The following MACROD2 variants were observed in gnomAD, a reference collection of about 807,000 sequenced individuals.
The protein encoded by MACROD2 is mono-ADP ribosylhydrolase 2.
A neutral mutation model predicts 70.4 loss-of-function variants in MACROD2; 36 were observed. The ratio of observed to expected loss-of-function variants is 0.51; its 90% CI spans 0.39 to 0.68. The LOEUF is 0.68. MACROD2 is among the 30% of genes least tolerant of loss of function. The probability of loss-of-function intolerance (pLI) is 0.00; values close to 1 mark genes in which losing one functional copy is unlikely to be tolerated. For synonymous variants in MACROD2, 172 were observed against 178.8 expected, an observed-to-expected ratio of 0.96 and a Z score of 0.30; for missense variants, 496 against 538.4, an observed-to-expected ratio of 0.92 and a Z score of 0.78.
intron 8 of MACROD2, among the ~76,000 whole-genome samples, chr20:15,623,163 C>A (rs1386013019): frequency 6.6e-6 from 1 of 152,194 alleles, no homozygotes; most frequent in African/African-American, 2.4e-5. Context: ...TTCATGTTTT[C>A]ATATGACTTG....
chr20:16,043,722 C>T (rs973993664), intron 16 of MACROD2, among the ~76,000 whole-genome samples: 1 of 152,050 alleles, frequency 6.6e-6, no homozygotes, highest in Non-Finnish European at 1.5e-5. Flanking sequence ...CAGCAGCCGT[C>T]GGCAAGTCTA....
At chr20:15,450,536 G>C (rs1228610016) in intron 7 of MACROD2, among the ~76,000 whole-genome samples, 1 of 151,970 alleles carries the variant, frequency 6.6e-6, no homozygotes, top group South Asian at 2.1e-4. Flanking sequence ...TACCTATTTT[G>C]TGTGTGTATT....
At chr20:15,348,304 C>G (rs1296201197) in intron 6 of MACROD2, among the ~76,000 whole-genome samples, 1 of 152,236 alleles carries the variant, frequency 6.6e-6, no homozygotes, top group Admixed American at 6.5e-5. Flanking sequence ...GCGCTGCCCC[C>G]TGCCTTGACA....
At chr20:15,580,715 A>T (rs962352580) in intron 8 of MACROD2, among the ~76,000 whole-genome samples, 2 of 152,238 alleles carry the variant, frequency 1.3e-5, no homozygotes, top group African/African-American at 4.8e-5. Flanking sequence ...GTGAAAAGGC[A>T]TTCACATTGG....
chr20:14,060,392 C>T (rs1391924229), intron 2 of MACROD2, among the ~76,000 whole-genome samples: 2 of 152,050 alleles, frequency 1.3e-5, no homozygotes, highest in Non-Finnish European at 2.9e-5. Flanking sequence ...GAAAACATTA[C>T]CAGACCTTTT....
chr20:15,080,132 A>T (rs1157152417), intron 5 of MACROD2, among the ~76,000 whole-genome samples: 1 of 139,506 alleles, frequency 7.2e-6, no homozygotes, highest in East Asian at 1.9e-4. Flanking sequence ...ATAAATAAAT[A>T]AATAAATAAA....
intron 7 of MACROD2, among the ~76,000 whole-genome samples, chr20:15,448,299 C>T (rs2046596330): frequency 6.6e-6 from 1 of 152,118 alleles, no homozygotes; most frequent in South Asian, 2.1e-4. Context: ...CATCCTCAGC[C>T]TGCAGAACTC....
intron 5 of MACROD2, among the ~76,000 whole-genome samples, chr20:15,042,014 A>G (rs1473445353): frequency 6.6e-6 from 1 of 152,194 alleles, no homozygotes; most frequent in Non-Finnish European, 1.5e-5. Context: ...CCATTCAGGG[A>G]CAAGAAGATT....
intron 5 of MACROD2, among the ~76,000 whole-genome samples, chr20:14,818,479 T>C (rs1390708653): frequency 1.3e-5 from 2 of 152,060 alleles, no homozygotes; most frequent in Non-Finnish European, 2.9e-5. Context: ...ATATCTTGTT[T>C]TTCTATTCGG....
intron 15 of MACROD2, among the ~76,000 whole-genome samples, chr20:15,989,402 TAGAA>T (rs2066527884): frequency 6.6e-6 from 1 of 152,148 alleles, no homozygotes; most frequent in Non-Finnish European, 1.5e-5. Flanking sequence ...AAACAACTAA[TAGAA>T]GGAAGCCAGG....
intron 6 of MACROD2, among the ~76,000 whole-genome samples, chr20:15,295,615 A>T (rs1425762589): frequency 1.3e-5 from 2 of 148,578 alleles, no homozygotes; most frequent in East Asian, 3.9e-4. Context: ...ACACACACAC[A>T]CACACACACA....
intron 5 of MACROD2, among the ~76,000 whole-genome samples, chr20:15,152,295 G>A (rs552703061): frequency 6.6e-6 from 1 of 151,750 alleles, no homozygotes; most frequent in Non-Finnish European, 1.5e-5. Context: ...GGGAGAAGGA[G>A]GAATGGAAGG....
intron 6 of MACROD2, among the ~76,000 whole-genome samples, chr20:15,292,352 G>T (rs1270081150): frequency 1.3e-5 from 2 of 152,146 alleles, no homozygotes; most frequent in Non-Finnish European, 2.9e-5. Flanking sequence ...ATAAATAAAG[G>T]TCCAGCATAT....
At chr20:14,860,101 T>C (rs1361708658) in intron 5 of MACROD2, among the ~76,000 whole-genome samples, 1 of 152,166 alleles carries the variant, frequency 6.6e-6, no homozygotes, top group Non-Finnish European at 1.5e-5. Flanking sequence ...ATAAGGTTCC[T>C]GAATAAATCT....
intron 5 of MACROD2, among the ~76,000 whole-genome samples, chr20:14,881,903 AG>A (rs1327453120): frequency 6.6e-6 from 1 of 152,148 alleles, no homozygotes; most frequent in African/African-American, 2.4e-5. Flanking sequence ...ATTTCTCAGG[AG>A]TAGACTTCTA....
intron 7 of MACROD2, among the ~76,000 whole-genome samples, chr20:15,438,786 T>C (rs1385581706): frequency 6.6e-6 from 1 of 152,196 alleles, no homozygotes; most frequent in African/African-American, 2.4e-5. Context: ...AGCAAAGCAC[T>C]GTGTCTCTAG....
chr20:14,271,696 G>T (rs185266348), intron 3 of MACROD2, among the ~76,000 whole-genome samples: 4 of 152,130 alleles, frequency 2.6e-5, no homozygotes, highest in Admixed American at 6.5e-5. Flanking sequence ...AAACTACTCC[G>T]AGCTACAGGA....
At chr20:14,704,282 T>G (rs1254695657) in intron 5 of MACROD2, among the ~76,000 whole-genome samples, 1 of 152,112 alleles carries the variant, frequency 6.6e-6, no homozygotes, top group East Asian at 1.9e-4. Context: ...GAATATAGCG[T>G]CCATTTGTAA....
At position 16,043,141 on chromosome 20, in the gene MACROD2, G is replaced by A. The variant is rs1202349823; in HGVS notation, c.1232-1430G>A. On this transcript the variant is annotated intron_variant, in intron 16 of 17. Coordinates refer to ENST00000684519, the MANE Select transcript of MACROD2 (RefSeq NM_001351661.2). ...AGGGGATGGGAAACCCCCCTTTATA[G>A]GTTAGAAAAAGAGAATACTTCAAGC... Among the ~76,000 whole-genome samples the A allele has an allele frequency of 2.0e-5, 3 of 152,142 alleles. No homozygotes were observed. The East Asian group carries it at 5.8e-4, about 29-fold the overall frequency.
Sources: gnomAD v4.1 joint callset for allele counts (sites outside exome capture counted in the v4.1 genomes callset) on GRCh38, gnomAD v4.1.1 for gene constraint, MANE v1.5 for transcripts, NCBI Gene and HGNC (gene_info 2026-07-23, HGNC 2026-07-21) for gene names.